Variants in TLN2 observed in about 807,000 individuals in gnomAD.
TLN2 encodes talin 2.
A neutral mutation model predicts 294.7 loss-of-function variants in TLN2; 118 were observed. That is an observed-to-expected ratio of 0.40 (90% CI 0.34 to 0.47). The LOEUF (loss-of-function observed/expected upper bound fraction) is 0.47, where lower values mean the gene tolerates loss of function less well. TLN2 is among the 20% of genes least tolerant of loss of function. The pLI, the probability that TLN2 is intolerant of heterozygous loss-of-function variation, is 0.84. For missense variants in TLN2, 3,083 were observed against 3,282.2 expected (o/e 0.94, Z 1.48); for synonymous variants, 1,431 against 1,304.5 (o/e 1.10, Z -2.09).
chr15:62,747,652 A>G (rs1253779229), intron 32 of TLN2, among the ~76,000 whole-genome samples: 1 of 152,202 alleles, frequency 6.6e-6, no homozygotes, highest in African/African-American at 2.4e-5. Context: ...TAGGAGAACT[A>G]CAGTGGACCC....
intron 3 of TLN2, among the ~76,000 whole-genome samples, chr15:62,628,800 C>G (rs1567216858): frequency 1.3e-5 from 2 of 152,234 alleles, no homozygotes; most frequent in African/African-American, 4.8e-5. Flanking sequence ...ATTCCCTGTC[C>G]TGATATCTGC....
intron 3 of TLN2, chr15:62,637,981 G>A (rs1488067920): frequency 6.5e-6 from 1 of 153,180 alleles, no homozygotes; most frequent in Non-Finnish European, 1.5e-5. Flanking sequence ...ATGTGCCTAG[G>A]AGACAGGAAG....
chr15:62,712,800 G>A (rs1017024330), intron 22 of TLN2, among the ~76,000 whole-genome samples: 4 of 152,170 alleles, frequency 2.6e-5, no homozygotes, highest in Non-Finnish European at 5.9e-5. Context: ...ATCTCTAGGT[G>A]AGAACTGTTT....
intron 1 of TLN2, among the ~76,000 whole-genome samples, chr15:62,559,672 A>G (rs987727368): frequency 1.1e-4 from 17 of 152,182 alleles, no homozygotes; most frequent in Admixed American, 4.6e-4. Context: ...TTTGGTGGCA[A>G]TGGAAACCCA....
At chr15:62,746,033 A>G (rs1424335744) in intron 32 of TLN2, among the ~76,000 whole-genome samples, 3 of 152,158 alleles carry the variant, frequency 2.0e-5, no homozygotes, top group Admixed American at 6.5e-5. Flanking sequence ...AAAATTTTAC[A>G]TCTACAGAAA....
chr15:62,772,703 C>A (rs1200997970), intron 42 of TLN2, among the ~76,000 whole-genome samples: 2 of 151,718 alleles, frequency 1.3e-5, no homozygotes, highest in African/African-American at 4.9e-5. Context: ...GCTCTTGTTG[C>A]CCAGCCTGGA....
chr15:62,599,726 C>G (rs1316541749), intron 2 of TLN2, among the ~76,000 whole-genome samples: 2 of 152,152 alleles, frequency 1.3e-5, no homozygotes, highest in Admixed American at 6.5e-5. Context: ...ACTTTTGGCT[C>G]TGGTCACCCA....
intron 1 of TLN2, among the ~76,000 whole-genome samples, chr15:62,462,735 G>T (rs758507671): frequency 6.6e-5 from 10 of 152,216 alleles, no homozygotes; most frequent in African/African-American, 9.7e-5. Flanking sequence ...TTCCCTTCCG[G>T]AACCAGAACC....
chr15:62,795,378 G>C lies in TLN2; in HGVS notation c.5884-749G>C, dbSNP rs899230320. On this transcript the variant is annotated intron_variant, in intron 46 of 58. Transcript: ENST00000636159. ...CAGCCAGGGGAGATTTGTAAGCAGGGTGTTAGTGTGGTCAGGTTTATGTCA... is the reference window on the plus strand; with the variant it reads ...CAGCCAGGGGAGATTTGTAAGCAGGCTGTTAGTGTGGTCAGGTTTATGTCA... 4.6e-5 allele frequency among the ~76,000 whole-genome samples: 7 copies of C among 152,172 alleles called. No homozygotes were observed. The East Asian group carries it at 1.3e-3, about 29-fold the overall frequency.
Position 62,461,042 on chromosome 15 carries a change from A to G in TLN2, c.-238+70357A>G, listed in dbSNP as rs192194720. The stretch of plus-strand genomic sequence containing the variant: ...CAGCTCACTGCAACCTCTGCCTCCC[A>G]GATTCCAGTGATTCTCCTGCCTCAG... On this transcript the variant is annotated intron_variant, in intron 1 of 58. Transcript: ENST00000636159. Among the ~76,000 whole-genome samples, 1,235 of 152,190 alleles carry G rather than the reference A, an allele frequency of 8.1e-3. 14 individuals are homozygous for G. The highest frequency in any genetic ancestry group is 0.028 in the African/African-American group (1,177 of 41,518).
At chr15:62,424,728 C>T (rs919049886) in intron 1 of TLN2, among the ~76,000 whole-genome samples, 9 of 152,152 alleles carry the variant, frequency 5.9e-5, no homozygotes, top group South Asian at 2.1e-4. Flanking sequence ...TCTTGGCTCA[C>T]TGCAATCTCT....
At chr15:62,465,629 G>A (rs1250287774) in intron 1 of TLN2, among the ~76,000 whole-genome samples, 1 of 152,168 alleles carries the variant, frequency 6.6e-6, no homozygotes, top group African/African-American at 2.4e-5. Context: ...ATGGCAAGGT[G>A]GTAGCACATT....
intron 1 of TLN2, among the ~76,000 whole-genome samples, chr15:62,529,592 A>C (rs1216764680): frequency 6.7e-6 from 1 of 148,480 alleles, no homozygotes; most frequent in Admixed American, 6.7e-5. Context: ...CAGTACATCC[A>C]CAGAGGGTGG....
intron 28 of TLN2, among the ~76,000 whole-genome samples, chr15:62,729,279 C>T (rs909101120): frequency 9.2e-5 from 14 of 152,230 alleles, no homozygotes; most frequent in African/African-American, 2.7e-4. Context: ...TAATGCACAT[C>T]CTCAACTTTG....
chr15:62,495,516 G>A (rs182825616), intron 1 of TLN2, among the ~76,000 whole-genome samples: 22 of 152,244 alleles, frequency 1.4e-4, no homozygotes, highest in African/African-American at 4.8e-4. Context: ...CCCTCTGTCA[G>A]CTAGACATGC....
At chr15:62,416,703 G>A (rs2034106754) in intron 1 of TLN2, among the ~76,000 whole-genome samples, 3 of 152,170 alleles carry the variant, frequency 2.0e-5, no homozygotes, top group Admixed American at 6.5e-5. Flanking sequence ...TTAGCATTTG[G>A]CCTGACAGGA....
intron 28 of TLN2, among the ~76,000 whole-genome samples, chr15:62,728,902 T>C (rs2060574633): frequency 6.6e-6 from 1 of 152,238 alleles, no homozygotes; most frequent in African/African-American, 2.4e-5. Flanking sequence ...GTACTTTTTG[T>C]GCCCTATTTT....
intron 1 of TLN2, among the ~76,000 whole-genome samples, chr15:62,457,000 A>G (rs1208084344): frequency 2.6e-5 from 4 of 152,188 alleles, no homozygotes; most frequent in Admixed American, 2.6e-4. Flanking sequence ...CAACCTGTGA[A>G]TGCTTGACAC....
At chr15:62,667,141 A>G (rs563929179) in intron 9 of TLN2, among the ~76,000 whole-genome samples, 8 of 151,774 alleles carry the variant, frequency 5.3e-5, no homozygotes, top group East Asian at 2.0e-4. Context: ...AATTTTTTGT[A>G]TTTTTTAGTA....
Sources: allele counts gnomAD v4.1 joint callset (sites outside exome capture counted in the v4.1 genomes callset), GRCh38; gene constraint gnomAD v4.1.1; transcripts MANE v1.5; gene names NCBI Gene and HGNC (gene_info 2026-07-23, HGNC 2026-07-21).